Variants in GRID2 observed in about 807,000 individuals in gnomAD.
The protein encoded by GRID2 is glutamate receptor ionotropic, delta-2.
A neutral mutation model predicts 114.8 loss-of-function variants in GRID2; 33 were observed. The observed-to-expected ratio is 0.29, with a 90% confidence interval of 0.22 to 0.38. The LOEUF (loss-of-function observed/expected upper bound fraction) is 0.38, where lower values mean the gene tolerates loss of function less well. Among genes scored for constraint, GRID2 ranks in the 10% least tolerant of loss-of-function variants. The pLI, the probability that GRID2 is intolerant of heterozygous loss-of-function variation, is 1.00. For missense variants in GRID2, 1,184 were observed against 1,257.7 expected (o/e 0.94, Z 0.89); for synonymous variants, 505 against 449.9 (o/e 1.12, Z -1.55).
intron 1 of GRID2, among the ~76,000 whole-genome samples, chr4:92,359,869 A>C (rs1265425102): frequency 5.3e-5 from 8 of 152,008 alleles, no homozygotes; most frequent in Non-Finnish European, 1.2e-4. Context: ...ATTTTAAAAT[A>C]TGTGACCTAT....
intron 1 of GRID2, among the ~76,000 whole-genome samples, chr4:92,465,045 C>A (rs1465306774): frequency 6.6e-6 from 1 of 152,086 alleles, no homozygotes; most frequent in African/African-American, 2.4e-5. Flanking sequence ...TCGCCTTCCA[C>A]CATAACTGAA....
At chr4:93,718,329 T>C (rs1467800313) in intron 14 of GRID2, among the ~76,000 whole-genome samples, 1 of 152,200 alleles carries the variant, frequency 6.6e-6, no homozygotes, top group Non-Finnish European at 1.5e-5. Context: ...TATCAGAAGA[T>C]TGACATTGCT....
intron 4 of GRID2, among the ~76,000 whole-genome samples, chr4:93,126,788 G>A (rs1321254120): frequency 2.0e-5 from 3 of 150,950 alleles, no homozygotes; most frequent in Non-Finnish European, 1.5e-5. Context: ...TAGTAGAGAC[G>A]GGGTTTCACC....
chr4:92,876,454 G>T (rs1029917898), intron 2 of GRID2, among the ~76,000 whole-genome samples: 1 of 151,918 alleles, frequency 6.6e-6, no homozygotes, highest in Non-Finnish European at 1.5e-5. Context: ...ACAGGTGCCT[G>T]CCACCACACC....
intron 2 of GRID2, among the ~76,000 whole-genome samples, chr4:92,726,344 C>T (rs115721659): frequency 7.9e-5 from 12 of 151,992 alleles, no homozygotes; most frequent in African/African-American, 2.7e-4. Flanking sequence ...GTAGTGTTGC[C>T]GCAGCTGCAA....
intron 1 of GRID2, among the ~76,000 whole-genome samples, chr4:92,563,060 T>G (rs533017626): frequency 1.7e-4 from 26 of 152,300 alleles, no homozygotes; most frequent in African/African-American, 5.5e-4. Flanking sequence ...CCCATGACTT[T>G]GAGACTGCCT....
chr4:92,908,750 CT>C (rs1748151919), intron 2 of GRID2, among the ~76,000 whole-genome samples: 1 of 152,072 alleles, frequency 6.6e-6, no homozygotes, highest in Non-Finnish European at 1.5e-5. Context: ...AATTAAATTT[CT>C]GTCAAAACCT....
rs1205038767 is a variant in GRID2, at chr4:93,510,288, AC to A, written c.1998-4926del. On this transcript the variant is annotated intron_variant, in intron 12 of 15. Coordinates refer to ENST00000282020, the MANE Select transcript of GRID2 (RefSeq NM_001510.4). ...CAGTTATTGATGAGCGTTCTACACA[AC>A]CAGGCTAAATGTAGTTTTTAATCTT... is the stretch of plus-strand genomic sequence containing the variant. Among the ~76,000 whole-genome samples the A allele has an allele frequency of 2.0e-5, 3 of 152,168 alleles. No individual in the cohort carries two copies. The East Asian group carries it at 5.8e-4, about 29-fold the overall frequency.
rs371755566 is a variant in GRID2, at chr4:92,862,561, C to T, written c.245-222434C>T. The stretch of plus-strand genomic sequence containing the variant: ...AGTAAAAACAATATGAAATGTATCA[C>T]TATTTGTAAAGCACTTTAATCTTCC... On this transcript the variant is annotated intron_variant, in intron 2 of 15. Transcript: ENST00000282020. Among the ~76,000 whole-genome samples, 74 of 152,144 alleles carry T rather than the reference C, an allele frequency of 4.9e-4. 2 individuals are homozygous for T. The East Asian group carries it at 8.3e-3, about 17-fold the overall frequency.
intron 4 of GRID2, among the ~76,000 whole-genome samples, chr4:93,124,994 T>C (rs1481896306): frequency 6.6e-6 from 1 of 152,128 alleles, no homozygotes; most frequent in Non-Finnish European, 1.5e-5. Context: ...TTCTTTTTGG[T>C]TTCTACTTGT....
intron 1 of GRID2, among the ~76,000 whole-genome samples, chr4:93,799,047 G>A (rs995836702): frequency 2.2e-4 from 33 of 152,146 alleles, no homozygotes; most frequent in Admixed American, 1.6e-3. Flanking sequence ...ACTGCTTAGC[G>A]GTCTGATCTT....
chr4:92,704,747 C>G, intron 2 of GRID2, among the ~76,000 whole-genome samples: 1 of 147,936 alleles, frequency 6.8e-6, no homozygotes, highest in East Asian at 2.0e-4. Flanking sequence ...CTCTCTCTCC[C>G]TCCCTCTCTC....
intron 1 of GRID2, among the ~76,000 whole-genome samples, chr4:92,427,435 A>C (rs190145669): frequency 6.6e-6 from 1 of 152,334 alleles, no homozygotes. Context: ...AACCCACATT[A>C]TTGATAAAAA....
In GRID2 at chr4:93,238,471, T is replaced by C. The variant is rs1275389540; in HGVS notation, c.1226T>C (p.Leu409Pro). Reference protein sequence around the residue: ...EILGTNYGEELGRGVRKLGCW... With the variant: ...EILGTNYGEEPGRGVRKLGCW... ...CTTGGAACCAACTATGGAGAAGAGCTTGGCAGAGGTGTTCGAAAAGTAAGA... is the reference window on the plus strand; with the variant it reads ...CTTGGAACCAACTATGGAGAAGAGCCTGGCAGAGGTGTTCGAAAAGTAAGA... The change falls in exon 8 of 16, where the codon CTT (leucine) becomes CCT (proline). Residue 409 changes from leucine to proline, a missense_variant. Transcript: ENST00000282020. 6.2e-6 allele frequency: 10 copies of C among 1,609,934 alleles called. No individual in the cohort carries two copies. The Admixed American group carries it at 1.5e-4, about 24-fold the overall frequency.
intron 2 of GRID2, among the ~76,000 whole-genome samples, chr4:92,693,009 C>T (rs569012180): frequency 4.4e-5 from 6 of 135,764 alleles, no homozygotes; most frequent in East Asian, 2.1e-4. Context: ...GGCGATAGAG[C>T]GAAACTGTCT....
chr4:93,737,853 G>A (rs528554005), intron 14 of GRID2, among the ~76,000 whole-genome samples: 1 of 152,174 alleles, frequency 6.6e-6, no homozygotes, highest in East Asian at 1.9e-4. Flanking sequence ...CCAACCCAAA[G>A]CAAAGAAACT....
intron 3 of GRID2, among the ~76,000 whole-genome samples, chr4:93,098,322 C>T (rs914230898): frequency 6.6e-6 from 1 of 151,940 alleles, no homozygotes; most frequent in Non-Finnish European, 1.5e-5. Flanking sequence ...CAAGAGGAGG[C>T]ATTGTCAAAC....
At chr4:93,238,239 A>T in intron 7 of GRID2, 132 bp from the exon 8 acceptor site, 1 of 551,320 alleles carries the variant, frequency 1.8e-6, no homozygotes, top group Non-Finnish European at 3.1e-6. Context: ...TTTAAAAAGT[A>T]GTCTGTTAAA....
At chr4:93,228,466 G>A (rs1044192604) in intron 7 of GRID2, among the ~76,000 whole-genome samples, 1 of 152,146 alleles carries the variant, frequency 6.6e-6, no homozygotes, top group African/African-American at 2.4e-5. Flanking sequence ...TGCATTTCAA[G>A]ATGAGTTTTG....
Sources: gnomAD v4.1 joint callset for allele counts (sites outside exome capture counted in the v4.1 genomes callset) on GRCh38, gnomAD v4.1.1 for gene constraint, MANE v1.5 for transcripts, NCBI Gene and HGNC (gene_info 2026-07-23, HGNC 2026-07-21) for gene names.